KLHL1: variants seen among roughly 807,000 people sequenced by gnomAD.
The protein encoded by KLHL1 is kelch-like protein 1.
KLHL1 carries 47 observed loss-of-function variants against 77.7 expected under a neutral mutation model. The ratio of observed to expected loss-of-function variants is 0.60; its 90% CI spans 0.48 to 0.77. The LOEUF is 0.77. Ranked by LOEUF, KLHL1 falls within the 30% of genes least tolerant of loss-of-function variation. The pLI, the probability that KLHL1 is intolerant of heterozygous loss-of-function variation, is 0.00. For synonymous variants in KLHL1, 360 were observed against 325.2 expected, an observed-to-expected ratio of 1.11 and a Z score of -1.15; for missense variants, 925 against 910.8, an observed-to-expected ratio of 1.02 and a Z score of -0.20.
At chr13:69,847,530 GAATAAATAC>G (rs1336828596) in intron 5 of KLHL1, among the ~76,000 whole-genome samples, 1 of 151,220 alleles carries the variant, frequency 6.6e-6, no homozygotes, top group African/African-American at 2.4e-5. Context: ...AGGCAATATT[GAATAAATAC>G]TTAAAGAAAA....
In KLHL1 at chr13:69,860,172, A is replaced by G. The variant is rs200961680; in HGVS notation, c.1228-21010T>C. Among the ~76,000 whole-genome samples, 7 of 152,254 alleles carry G rather than the reference A, an allele frequency of 4.6e-5. No homozygotes were observed. In the East Asian group the frequency reaches 1.2e-3, roughly 25 times the overall value. ...ACAAAATATATGTTAAGTGTCTATT[A>G]ATCTTCAGTACTACACTAGGTACAA... On this transcript the variant is annotated intron_variant, in intron 5 of 10. Transcript: ENST00000377844.
At chr13:70,047,308 A>C (rs1240897544) in intron 1 of KLHL1, among the ~76,000 whole-genome samples, 1 of 151,898 alleles carries the variant, frequency 6.6e-6, no homozygotes, top group Non-Finnish European at 1.5e-5. Context: ...AAAGACAAAA[A>C]CAAAAACAGA....
At chr13:70,087,089 T>C (rs575185667) in intron 1 of KLHL1, among the ~76,000 whole-genome samples, 25 of 152,182 alleles carry the variant, frequency 1.6e-4, no homozygotes, top group African/African-American at 5.5e-4. Flanking sequence ...TGAGAGTGGC[T>C]TGCACTGAAG....
At chr13:69,957,999 A>T (rs2137265160) in intron 3 of KLHL1, among the ~76,000 whole-genome samples, 1 of 151,952 alleles carries the variant, frequency 6.6e-6, no homozygotes, top group Admixed American at 6.6e-5. Context: ...TAAAGAAACT[A>T]ACTTCATACC....
chr13:69,997,279 TTTTTTA>T (rs961686687), intron 1 of KLHL1, among the ~76,000 whole-genome samples: 5 of 119,762 alleles, frequency 4.2e-5, no homozygotes, highest in African/African-American at 2.4e-4. Context: ...TTATTTTTTC[TTTTTTA>T]TTTTTAATTA....
At chr13:69,905,170 G>T (rs1882005260) in intron 4 of KLHL1, among the ~76,000 whole-genome samples, 1 of 152,116 alleles carries the variant, frequency 6.6e-6, no homozygotes, top group South Asian at 2.1e-4. Flanking sequence ...TCAAGCAATG[G>T]TTTTGCCTAG....
At chr13:69,779,983 T>C (rs1876054686) in intron 7 of KLHL1, among the ~76,000 whole-genome samples, 1 of 151,960 alleles carries the variant, frequency 6.6e-6, no homozygotes, top group Non-Finnish European at 1.5e-5. Flanking sequence ...TTCGTATTTT[T>C]AGTAGAGACA....
At chr13:69,744,405 C>T (rs1874114428) in intron 7 of KLHL1, among the ~76,000 whole-genome samples, 5 of 151,982 alleles carry the variant, frequency 3.3e-5, no homozygotes, top group South Asian at 4.2e-4. Context: ...AGTGATATAT[C>T]CTGTAAACAT....
intron 5 of KLHL1, among the ~76,000 whole-genome samples, chr13:69,841,388 T>C (rs942486725): frequency 2.0e-5 from 3 of 151,490 alleles, no homozygotes; most frequent in Non-Finnish European, 2.9e-5. Flanking sequence ...TATACAAAAG[T>C]CAGCAGTGTT....
intron 7 of KLHL1, among the ~76,000 whole-genome samples, chr13:69,767,566 G>A (rs1875368367): frequency 6.6e-6 from 1 of 151,996 alleles, no homozygotes; most frequent in South Asian, 2.1e-4. Flanking sequence ...GTAAATATCG[G>A]TCTATACTAA....
rs558656167 is a variant in KLHL1, at chr13:70,075,133, G to A, written c.497+32070C>T. Among the ~76,000 whole-genome samples the A allele has an allele frequency of 2.9e-3, 435 of 152,018 alleles. 6 individuals carry two copies. The highest frequency in any genetic ancestry group is 9.8e-3 in the African/African-American group (405 of 41,398). ...ATACACAAATTATGAGACTTGAAGA[G>A]GGGCTAGATGATTGAGACTTAAATA... On this transcript the variant is annotated intron_variant, in intron 1 of 10. Transcript: ENST00000377844.
At chr13:69,827,571 A>T (rs1878596208) in intron 6 of KLHL1, among the ~76,000 whole-genome samples, 1 of 151,884 alleles carries the variant, frequency 6.6e-6, no homozygotes, top group African/African-American at 2.4e-5. Context: ...CTCTACAGAA[A>T]ATACGAAAAT....
At chr13:69,941,505 T>C (rs962152032) in intron 3 of KLHL1, among the ~76,000 whole-genome samples, 14 of 151,722 alleles carry the variant, frequency 9.2e-5, no homozygotes, top group South Asian at 4.2e-4. Flanking sequence ...TATCAAAAAG[T>C]CCGAAAGAGC....
chr13:70,061,611 A>G (rs922621632), intron 1 of KLHL1, among the ~76,000 whole-genome samples: 1 of 152,136 alleles, frequency 6.6e-6, no homozygotes, highest in Admixed American at 6.5e-5. Flanking sequence ...TCCAATTTGT[A>G]GCTTTTTCCT....
chr13:69,825,600 G>A (rs944056037), intron 6 of KLHL1, among the ~76,000 whole-genome samples: 1 of 152,106 alleles, frequency 6.6e-6, no homozygotes, highest in Non-Finnish European at 1.5e-5. Flanking sequence ...AGTAGATAGA[G>A]AGCTGGGTGG....
chr13:69,712,778 G>T, intron 9 of KLHL1, among the ~76,000 whole-genome samples: 1 of 147,120 alleles, frequency 6.8e-6, no homozygotes, highest in African/African-American at 2.5e-5. Flanking sequence ...TTTTTGGGGG[G>T]GGGGTTTTGT....
At chr13:70,032,306 A>C (rs1464512827) in intron 1 of KLHL1, among the ~76,000 whole-genome samples, 1 of 152,164 alleles carries the variant, frequency 6.6e-6, no homozygotes, top group Non-Finnish European at 1.5e-5. Flanking sequence ...TGGATAGGAG[A>C]AGTGTTCTTC....
intron 4 of KLHL1, among the ~76,000 whole-genome samples, chr13:69,911,878 C>G (rs781428972): frequency 2.0e-5 from 3 of 152,228 alleles, no homozygotes; most frequent in South Asian, 2.1e-4. Context: ...TAGACAACAA[C>G]CAATCTTCAT....
intron 9 of KLHL1, among the ~76,000 whole-genome samples, chr13:69,717,974 TA>T (rs1872847206): frequency 6.6e-6 from 1 of 152,136 alleles, no homozygotes; most frequent in African/African-American, 2.4e-5. Flanking sequence ...GCAATATTGG[TA>T]AACATTGTTT....
Sources: allele counts gnomAD v4.1 joint callset (sites outside exome capture counted in the v4.1 genomes callset), GRCh38; gene constraint gnomAD v4.1.1; transcripts MANE v1.5; gene names NCBI Gene and HGNC (gene_info 2026-07-23, HGNC 2026-07-21).